The following TRPC6 variants were observed in gnomAD, a reference collection of about 807,000 sequenced individuals.
The protein encoded by TRPC6 is transient receptor potential cation channel subfamily C member 6.
Under a neutral mutation model 90.7 loss-of-function variants are expected in TRPC6, and 55 were observed. The ratio of observed to expected loss-of-function variants is 0.61; its 90% CI spans 0.49 to 0.76. The LOEUF (loss-of-function observed/expected upper bound fraction) is 0.76. Ranked by LOEUF, TRPC6 falls within the 30% of genes least tolerant of loss-of-function variation. The pLI is 0.00. For missense variants in TRPC6, 989 were observed against 1,122.7 expected (o/e 0.88, Z 1.70); for synonymous variants, 393 against 393.0 (o/e 1.00, Z 0.00).
Position 101,473,923 on chromosome 11 carries a change from A to G in TRPC6, c.1745-150T>C, listed in dbSNP as rs566293775. On this transcript the variant is annotated intron_variant, in intron 6 of 12. Coordinates refer to ENST00000344327, the MANE Select transcript of TRPC6 (RefSeq NM_004621.6). Reference sequence around the variant, plus strand: ...TTAAAGGGCTTCTTAAGTGTCTGCTAGAGTTGAGCTTCTTAGTTTATTGAG... The same window carrying G: ...TTAAAGGGCTTCTTAAGTGTCTGCTGGAGTTGAGCTTCTTAGTTTATTGAG... The G allele has an allele frequency of 4.3e-5, 45 of 1,041,414 alleles. No homozygotes were observed. The South Asian group carries it at 6.5e-4, about 15-fold the overall frequency. 64.5% of individuals were successfully genotyped at this position (1,041,414 alleles called of 1,614,324 possible).
At chr11:101,548,280 A>ATATATATATATATATTT (rs71303295) in intron 1 of TRPC6, among the ~76,000 whole-genome samples, 1 of 135,514 alleles carries the variant, frequency 7.4e-6, no homozygotes, top group Non-Finnish European at 1.6e-5. Context: ...TATAATTTAT[A>ATATATATATATATATTT]TATATAATTA....
rs1165923760 is a variant in TRPC6, at chr11:101,455,052, A to C, written c.2534T>G (p.Leu845Arg). 6.2e-6 allele frequency: 10 copies of C among 1,612,548 alleles called. No individual in the cohort carries two copies. In the African/African-American group the frequency reaches 1.3e-4, roughly 22 times the overall value. Reference sequence around the variant, plus strand: ...TCTTGGAGGATTATTGAAACTATTTAGATGGAAATCTTCTGAGCTCCTTAT... The same window carrying C: ...TCTTGGAGGATTATTGAAACTATTTCGATGGAAATCTTCTGAGCTCCTTAT... Reference protein sequence around the residue: ...PSIRSSEDFHLNSFNNPPRQY... With the variant: ...PSIRSSEDFHRNSFNNPPRQY... Residue 845 changes from leucine to arginine, a missense_variant, in exon 11 of 13, where the codon CTA becomes CGA. Leu to Arg is a moderately radical substitution (Grantham distance 102). Transcript: ENST00000344327.
rs566406762 is a variant in TRPC6 at position 101,507,800 on chromosome 11, T to C, written c.171-3002A>G. Among the ~76,000 whole-genome samples, 30 of 152,252 alleles carry C rather than the reference T, an allele frequency of 2.0e-4. No individual in the cohort carries two copies. The East Asian group carries it at 5.6e-3, about 28-fold the overall frequency. On this transcript the variant is annotated intron_variant, in intron 1 of 12. Coordinates refer to ENST00000344327, the MANE Select transcript of TRPC6 (RefSeq NM_004621.6). The stretch of plus-strand genomic sequence containing the variant: ...GAAGGGAGTCTCTTCTCCACAGTGC[T>C]GCCCATTTAATCTGGAATAAAAAGT...
intron 1 of TRPC6, among the ~76,000 whole-genome samples, chr11:101,536,614 T>C (rs1025248035): frequency 1.3e-5 from 2 of 151,922 alleles, no homozygotes; most frequent in African/African-American, 4.8e-5. Context: ...AAAGGGAAAA[T>C]AACTAATATC....
chr11:101,567,819 T>C (rs1300961960), intron 1 of TRPC6, among the ~76,000 whole-genome samples: 1 of 152,160 alleles, frequency 6.6e-6, no homozygotes, highest in Non-Finnish European at 1.5e-5. Context: ...AGGAATAGTA[T>C]TAAAATCAAC....
chr11:101,524,414 A>C (rs1277849902), intron 1 of TRPC6, among the ~76,000 whole-genome samples: 1 of 152,022 alleles, frequency 6.6e-6, no homozygotes, highest in Admixed American at 6.6e-5. Context: ...ATGCCCAGCT[A>C]ATTTTTTGGT....
chr11:101,514,786 G>T (rs764046475), intron 1 of TRPC6, among the ~76,000 whole-genome samples: 18 of 152,182 alleles, frequency 1.2e-4, no homozygotes, highest in Non-Finnish European at 2.4e-4. Context: ...TTGTTCTGAA[G>T]GGTTTGGAGC....
At chr11:101,455,859 A>G (rs1858870362) in intron 10 of TRPC6, among the ~76,000 whole-genome samples, 1 of 152,192 alleles carries the variant, frequency 6.6e-6, no homozygotes, top group Non-Finnish European at 1.5e-5. Context: ...ATTCAAGTAT[A>G]TATTGAGGGT....
chr11:101,579,849 T>C (rs926724597), intron 1 of TRPC6, among the ~76,000 whole-genome samples: 2 of 152,174 alleles, frequency 1.3e-5, no homozygotes. Flanking sequence ...AGAGTTTACC[T>C]TCTTTCTGTC....
rs1858821265 is a variant in TRPC6, at chr11:101,453,815, TAGTG to T, written c.2569-94_2569-91del. 4.1e-6 allele frequency: 5 copies of T among 1,226,502 alleles called. No individual in the cohort carries two copies. In the South Asian group the frequency reaches 6.2e-5, roughly 15 times the overall value. 76.0% of individuals were successfully genotyped at this position (1,226,502 alleles called of 1,614,324 possible). A position where few individuals can be genotyped will look rare whatever the true frequency, so the allele number is the denominator to read the frequency against. ...ACAAGTTTCAGAGTCTTCCTCCCTGTAGTGAGCCCTTTGGAAGTGATGGCTGTCA... is the reference window on the plus strand; with the variant it reads ...ACAAGTTTCAGAGTCTTCCTCCCTGTAGCCCTTTGGAAGTGATGGCTGTCA... On this transcript the variant is annotated intron_variant, in intron 11 of 12. Transcript: ENST00000344327.
intron 1 of TRPC6, among the ~76,000 whole-genome samples, chr11:101,528,886 C>T (rs1171051562): frequency 6.6e-6 from 1 of 151,992 alleles, no homozygotes; most frequent in Non-Finnish European, 1.5e-5. Flanking sequence ...GGCCAATCGG[C>T]ATCTGGAATC....
chr11:101,461,834 A>G (rs1455283510), intron 10 of TRPC6, among the ~76,000 whole-genome samples: 11 of 152,132 alleles, frequency 7.2e-5, no homozygotes. Flanking sequence ...CTGGTCTGGG[A>G]GATTGGTTAA....
At chr11:101,474,554 T>G (rs1205407326) in intron 6 of TRPC6, among the ~76,000 whole-genome samples, 1 of 152,134 alleles carries the variant, frequency 6.6e-6, no homozygotes, top group Non-Finnish European at 1.5e-5. Flanking sequence ...GCAGTTTCCT[T>G]TTTTATAGTG....
intron 1 of TRPC6, among the ~76,000 whole-genome samples, chr11:101,544,868 TA>T (rs1861262420): frequency 7.6e-6 from 1 of 132,392 alleles, no homozygotes; most frequent in Non-Finnish European, 1.6e-5. Flanking sequence ...CCCCAGAACT[TA>T]AAGTATAATT....
At chr11:101,460,142 CATG>C (rs1858972751) in intron 10 of TRPC6, among the ~76,000 whole-genome samples, 1 of 152,076 alleles carries the variant, frequency 6.6e-6, no homozygotes, top group African/African-American at 2.4e-5. Flanking sequence ...ATTGATCAAA[CATG>C]GTGAATTTTA....
chr11:101,461,636 T>C (rs1859007848), intron 10 of TRPC6, among the ~76,000 whole-genome samples: 1 of 152,258 alleles, frequency 6.6e-6, no homozygotes, highest in Admixed American at 6.5e-5. Flanking sequence ...CTATTTCATA[T>C]TCTTTCAGTA....
chr11:101,565,847 A>G (rs566164568), intron 1 of TRPC6, among the ~76,000 whole-genome samples: 4 of 152,272 alleles, frequency 2.6e-5, no homozygotes, highest in Admixed American at 1.3e-4. Flanking sequence ...TAGGGAAACT[A>G]TATTTTTAAA....
intron 1 of TRPC6, among the ~76,000 whole-genome samples, chr11:101,540,217 G>A (rs1861138145): frequency 1.3e-5 from 2 of 152,202 alleles, no homozygotes; most frequent in African/African-American, 4.8e-5. Flanking sequence ...AAGACTGCCT[G>A]AGGCCTCTGC....
At chr11:101,499,780 G>A (rs78877244) in intron 2 of TRPC6, among the ~76,000 whole-genome samples, 120 of 5,114 alleles carry the variant, frequency 0.023, 26 homozygotes, top group African/African-American at 0.072. Context: ...TATATACACA[G>A]TATAAAATGT....
Sources: allele counts gnomAD v4.1 joint callset (sites outside exome capture counted in the v4.1 genomes callset), GRCh38; gene constraint gnomAD v4.1.1; transcripts MANE v1.5; gene names NCBI Gene and HGNC (gene_info 2026-07-23, HGNC 2026-07-21).